The following ZNF346 variants were observed in gnomAD, a reference collection of about 807,000 sequenced individuals.
The protein encoded by ZNF346 is zinc finger protein 346.
In ZNF346, 23 loss-of-function variants were observed where a neutral mutation model predicts 33.7. That is an observed-to-expected ratio of 0.68 (90% CI 0.49 to 0.97). The LOEUF (loss-of-function observed/expected upper bound fraction) is 0.97. Among genes scored for constraint, ZNF346 ranks in the 50% least tolerant of loss-of-function variants. The pLI is 0.00. For missense variants in ZNF346, 340 were observed against 371.1 expected, an observed-to-expected ratio of 0.92 and a Z score of 0.69; for synonymous variants, 134 against 142.4, an observed-to-expected ratio of 0.94 and a Z score of 0.42.
intron 8 of ZNF346, among the ~76,000 whole-genome samples, chr5:177,075,021 G>A (rs1335646025): frequency 3.4e-5 from 5 of 149,192 alleles, no homozygotes; most frequent in Non-Finnish European, 7.4e-5. Context: ...AGCCGAGATC[G>A]CGCCAGTGCA....
chr5:177,034,450 C>T (rs1778190833), intron 1 of ZNF346, among the ~76,000 whole-genome samples: 1 of 152,006 alleles, frequency 6.6e-6, no homozygotes, highest in African/African-American at 2.4e-5. Context: ...GGTTCTTGAA[C>T]TCCTGGGCTC....
intron 5 of ZNF346, 106 bp from the exon 6 acceptor site, chr5:177,061,952 G>A (rs931197379): frequency 2.7e-5 from 25 of 937,230 alleles, no homozygotes; most frequent in African/African-American, 4.9e-5. Context: ...ACCTCACCTC[G>A]CCTCACCTGT....
At chr5:177,040,634 C>G (rs1779224626) in intron 1 of ZNF346, among the ~76,000 whole-genome samples, 1 of 152,200 alleles carries the variant, frequency 6.6e-6, no homozygotes, top group Non-Finnish European at 1.5e-5. Context: ...CGTGAGCCAC[C>G]ACGCCCCACC....
chr5:177,034,299 C>G lies in ZNF346; in HGVS notation c.176-6827C>G, dbSNP rs569332580. ...GTGATCACAGCTCACTTCACTGCAG[C>G]CTTGACCTCCTGGGCTCAAGTTCAA... On this transcript the variant is annotated intron_variant, in intron 1 of 6. Coordinates refer to ENST00000358149, the MANE Select transcript of ZNF346 (RefSeq NM_012279.4). 6.0e-5 allele frequency among the ~76,000 whole-genome samples: 9 copies of G among 150,892 alleles called. No individual in the cohort carries two copies. The South Asian group carries it at 1.9e-3, about 32-fold the overall frequency.
chr5:177,030,024 A>C (rs1205250387), intron 1 of ZNF346, among the ~76,000 whole-genome samples: 2 of 152,174 alleles, frequency 1.3e-5, no homozygotes, highest in Non-Finnish European at 2.9e-5. Flanking sequence ...GGTTTCTGGG[A>C]GGAGAAAACC....
At chr5:177,028,496 T>TTTTATATATA (rs1554142622) in intron 1 of ZNF346, among the ~76,000 whole-genome samples, 1 of 90,542 alleles carries the variant, frequency 1.1e-5, no homozygotes, top group Non-Finnish European at 2.0e-5. Context: ...TTGTGACGTT[T>TTTTATATATA]TATATATATA....
chr5:177,063,068 T>TTG (rs1782738188), intron 6 of ZNF346, among the ~76,000 whole-genome samples: 1 of 151,774 alleles, frequency 6.6e-6, no homozygotes, highest in South Asian at 2.1e-4. Flanking sequence ...ACATAACGTT[T>TTG]TTTTTTTTTT....
At chr5:177,039,805 G>A (rs1448918240) in intron 1 of ZNF346, among the ~76,000 whole-genome samples, 1 of 152,156 alleles carries the variant, frequency 6.6e-6, no homozygotes, top group Non-Finnish European at 1.5e-5. Flanking sequence ...GAGACCAGGA[G>A]ATTAAAAATG....
chr5:177,061,394 A>G (rs1010701405), intron 5 of ZNF346, among the ~76,000 whole-genome samples: 4 of 152,220 alleles, frequency 2.6e-5, no homozygotes, highest in African/African-American at 9.6e-5. Context: ...GCAGTGAGCC[A>G]AGATCGCGCC....
chr5:177,078,396 G>A (rs1314359431), intron 8 of ZNF346, among the ~76,000 whole-genome samples: 1 of 152,216 alleles, frequency 6.6e-6, no homozygotes, highest in African/African-American at 2.4e-5. Flanking sequence ...CTGGAGCTGG[G>A]ACAGCAGAGA....
chr5:177,069,263 C>G (rs547694246), downstream of ZNF346, among the ~76,000 whole-genome samples: 1 of 118,660 alleles, frequency 8.4e-6, no homozygotes, highest in East Asian at 2.0e-4. Context: ...TCCAGACCAG[C>G]CTAGCCAACA....
chr5:177,048,283 C>A (rs1032034823), intron 4 of ZNF346, among the ~76,000 whole-genome samples: 3 of 152,174 alleles, frequency 2.0e-5, no homozygotes, highest in African/African-American at 4.8e-5. Context: ...CTCTTAACAA[C>A]CATTATACCT....
intron 5 of ZNF346, chr5:177,052,983 T>A (rs1562012679): frequency 6.6e-6 from 1 of 152,028 alleles, no homozygotes; most frequent in African/African-American, 2.4e-5. Flanking sequence ...CACCACTCAT[T>A]GGTAAAGGAT....
intron 5 of ZNF346, chr5:177,051,573 C>G (rs1045268185): frequency 6.6e-6 from 1 of 152,158 alleles, no homozygotes; most frequent in Non-Finnish European, 1.5e-5. Flanking sequence ...GAGTCTCCCT[C>G]TGTCACCCAG....
intron 8 of ZNF346, among the ~76,000 whole-genome samples, chr5:177,073,994 G>T (rs1783630955): frequency 6.6e-6 from 1 of 152,094 alleles, no homozygotes; most frequent in South Asian, 2.1e-4. Context: ...AGACCATGTG[G>T]CGACCACAGA....
intron 1 of ZNF346, among the ~76,000 whole-genome samples, chr5:177,023,922 A>G (rs1776288876): frequency 6.6e-6 from 1 of 151,720 alleles, no homozygotes; most frequent in South Asian, 2.1e-4. Flanking sequence ...AGGAAGGTAC[A>G]CAGACCTATA....
At chr5:177,042,042 G>A (rs1779407154) in intron 3 of ZNF346, 172 bp downstream of exon 3, 1 of 517,224 alleles carries the variant, frequency 1.9e-6, no homozygotes, top group Non-Finnish European at 3.5e-6. Context: ...AATGAGGATG[G>A]TAATATCAAC....
intron 1 of ZNF346, among the ~76,000 whole-genome samples, chr5:177,028,040 CTTTTTT>C (rs10682528): frequency 5.4e-4 from 18 of 33,532 alleles, no homozygotes; most frequent in African/African-American, 2.5e-3. Context: ...CCTTGTGTCA[CTTTTTT>C]TTTTTTTTTT....
rs567572597 is a variant in ZNF346, at chr5:177,039,890, T to C, written c.176-1236T>C. Among the ~76,000 whole-genome samples, 90 of 152,190 alleles carry C rather than the reference T, an allele frequency of 5.9e-4. 1 individual carries two copies. The highest frequency in any genetic ancestry group is 2.0e-3 in the African/African-American group (85 of 41,534). On this transcript the variant is annotated intron_variant, in intron 1 of 6. Transcript: ENST00000358149. ...CACATTGCCAGCGCCATGATAGAACTCATGCCTTGGCCGGGCGCGGTGGCT... is the reference window on the plus strand; with the variant it reads ...CACATTGCCAGCGCCATGATAGAACCCATGCCTTGGCCGGGCGCGGTGGCT...
Sources: gnomAD v4.1 joint callset for allele counts (sites outside exome capture counted in the v4.1 genomes callset) on GRCh38, gnomAD v4.1.1 for gene constraint, MANE v1.5 for transcripts, NCBI Gene and HGNC (gene_info 2026-07-23, HGNC 2026-07-21) for gene names.